The following CSMD3 variants were observed in gnomAD, a reference collection of about 807,000 sequenced individuals.
CSMD3 encodes the protein CUB and sushi domain-containing protein 3.
In CSMD3, 177 loss-of-function variants were observed where a neutral mutation model predicts 435.2. The ratio of observed to expected loss-of-function variants is 0.41; its 90% CI spans 0.36 to 0.46. CSMD3 has a LOEUF of 0.46. Ranked by LOEUF, CSMD3 falls within the 20% of genes least tolerant of loss-of-function variation. The probability of loss-of-function intolerance (pLI) is 0.34; values close to 1 mark genes in which losing one functional copy is unlikely to be tolerated. For missense variants in CSMD3, 4,265 were observed against 4,504.6 expected, an observed-to-expected ratio of 0.95 and a Z score of 1.52; for synonymous variants, 1,656 against 1,520.5, an observed-to-expected ratio of 1.09 and a Z score of -2.07.
chr8:112,229,532 G>A (rs908439461), intron 69 of CSMD3, among the ~76,000 whole-genome samples: 1 of 151,998 alleles, frequency 6.6e-6, no homozygotes, highest in Non-Finnish European at 1.5e-5. Context: ...CGGCTCAAGC[G>A]ATCTTCCTGC....
intron 3 of CSMD3, among the ~76,000 whole-genome samples, chr8:113,225,391 G>T (rs747563663): frequency 6.6e-6 from 1 of 151,446 alleles, no homozygotes; most frequent in Non-Finnish European, 1.5e-5. Flanking sequence ...CTACTAGTCA[G>T]ATGTCCCATT....
intron 10 of CSMD3, among the ~76,000 whole-genome samples, chr8:112,910,550 T>C (rs2082381871): frequency 6.6e-6 from 1 of 151,826 alleles, no homozygotes; most frequent in African/African-American, 2.4e-5. Flanking sequence ...GGCAATGCTA[T>C]CCCCTCTATT....
intron 13 of CSMD3, among the ~76,000 whole-genome samples, chr8:112,700,682 C>T (rs190983585): frequency 5.3e-5 from 8 of 152,180 alleles, no homozygotes; most frequent in East Asian, 1.9e-4. Flanking sequence ...TGCAGGCTTA[C>T]GGACAGAACA....
chr8:113,436,591 A>G lies in CSMD3; in HGVS notation c.178+86T>C, dbSNP rs538288970. ...TTATCAGATTATTTTATCGGTGCAA[A>G]TTGCAAAGTAAGCTGCCAGCCTCTC... On this transcript the variant is annotated intron_variant, in intron 1 of 70. Transcript: ENST00000297405. 370 of 1,214,686 alleles carry G rather than the reference A, an allele frequency of 3.0e-4. No homozygotes were observed. The African/African-American group carries it at 4.6e-3, about 15-fold the overall frequency. The allele number at this position is 1,214,686 out of a possible 1,614,324, so 75.2% of individuals were successfully genotyped here.
At position 112,592,950 on chromosome 8, in the gene CSMD3, A is replaced by T. The variant is rs1458231434; in HGVS notation, c.3716-5715T>A. Among the ~76,000 whole-genome samples the T allele has an allele frequency of 3.3e-5, 5 of 152,114 alleles. No homozygotes were observed. In the East Asian group the frequency reaches 5.8e-4, roughly 18 times the overall value. ...ATAGGCTGAGATGGCACAAATGAAG[A>T]AGTAGTATATTTTAAAGAAGCCACA... On this transcript the variant is annotated intron_variant, in intron 22 of 70. Coordinates refer to ENST00000297405, the MANE Select transcript of CSMD3 (RefSeq NM_198123.2).
chr8:113,310,781 C>G (rs1381348603), intron 2 of CSMD3: 5 of 151,362 alleles, frequency 3.3e-5, no homozygotes, highest in Non-Finnish European at 7.4e-5. Flanking sequence ...CTACCAAGAA[C>G]CAATCTAAAA....
At chr8:112,774,450 C>A (rs1356724916) in intron 13 of CSMD3, among the ~76,000 whole-genome samples, 1 of 152,012 alleles carries the variant, frequency 6.6e-6, no homozygotes, top group African/African-American at 2.4e-5. Context: ...AAATCTCTTT[C>A]TTGAGTTCCA....
chr8:113,041,220 G>T (rs1249081900), intron 5 of CSMD3, among the ~76,000 whole-genome samples: 1 of 135,980 alleles, frequency 7.4e-6, no homozygotes, highest in African/African-American at 2.6e-5. Context: ...AAAAAAAAGG[G>T]GGGGGTGGGG....
chr8:112,942,583 G>A (rs148459264), intron 9 of CSMD3, among the ~76,000 whole-genome samples: 3 of 151,698 alleles, frequency 2.0e-5, no homozygotes, highest in Non-Finnish European at 3.0e-5. Context: ...AGCTGGAGGC[G>A]ATGGTCCTAA....
chr8:112,923,593 G>A (rs999631328), intron 9 of CSMD3, among the ~76,000 whole-genome samples: 1 of 151,918 alleles, frequency 6.6e-6, no homozygotes, highest in African/African-American at 2.4e-5. Flanking sequence ...TTATCCATAA[G>A]GCCCTCCCTT....
At chr8:112,596,490 T>A (rs1195721511) in intron 22 of CSMD3, among the ~76,000 whole-genome samples, 2 of 152,098 alleles carry the variant, frequency 1.3e-5, no homozygotes, top group African/African-American at 4.8e-5. Context: ...ACCCAGGAAT[T>A]GAACTCAGCT....
chr8:113,218,927 A>T lies in CSMD3; in HGVS notation c.515-45011T>A, dbSNP rs530807714. Among the ~76,000 whole-genome samples, 18 of 151,454 alleles carry T rather than the reference A, an allele frequency of 1.2e-4. No homozygotes were observed. In the South Asian group the frequency reaches 2.3e-3, roughly 19 times the overall value. On this transcript the variant is annotated intron_variant, in intron 3 of 70. Coordinates refer to ENST00000297405, the MANE Select transcript of CSMD3 (RefSeq NM_198123.2). ...TACCTTATACATACACATAGGCTGA[A>T]GGGAGCTACAATTCAAGATGAGATT...
intron 13 of CSMD3, among the ~76,000 whole-genome samples, chr8:112,712,504 G>A (rs192097410): frequency 1.1e-3 from 160 of 152,160 alleles, no homozygotes; most frequent in African/African-American, 3.7e-3. Flanking sequence ...AGGAGGCCCC[G>A]CAACTGTAGG....
intron 13 of CSMD3, among the ~76,000 whole-genome samples, chr8:112,765,591 A>G (rs1347816464): frequency 6.6e-6 from 1 of 151,740 alleles, no homozygotes; most frequent in Non-Finnish European, 1.5e-5. Context: ...TCTACCACTC[A>G]TGTTCAATAT....
intron 4 of CSMD3, among the ~76,000 whole-genome samples, chr8:113,165,127 A>T (rs1314139153): frequency 6.6e-6 from 1 of 152,084 alleles, no homozygotes; most frequent in Non-Finnish European, 1.5e-5. Context: ...ACCACAGGGG[A>T]TTCTGAAGCT....
At chr8:112,833,713 T>G (rs2079943872) in intron 11 of CSMD3, among the ~76,000 whole-genome samples, 2 of 152,036 alleles carry the variant, frequency 1.3e-5, no homozygotes, top group African/African-American at 4.8e-5. Flanking sequence ...TGTGTGTGTC[T>G]GTAGGTTTGC....
chr8:112,323,203 T>G (rs910086771), intron 45 of CSMD3, among the ~76,000 whole-genome samples: 2 of 152,054 alleles, frequency 1.3e-5, no homozygotes, highest in African/African-American at 4.8e-5. Flanking sequence ...CTCTTTTGAC[T>G]TTTGAAGACC....
intron 3 of CSMD3, among the ~76,000 whole-genome samples, chr8:113,275,930 G>A (rs767894471): frequency 2.0e-5 from 3 of 152,006 alleles, no homozygotes; most frequent in Non-Finnish European, 4.4e-5. Flanking sequence ...CATACACAGG[G>A]CAAGAGTTGT....
chr8:112,920,016 G>T (rs111725668), intron 10 of CSMD3, among the ~76,000 whole-genome samples: 5,116 of 151,812 alleles, frequency 0.034, 146 homozygotes, highest in Middle Eastern at 0.051. Flanking sequence ...CGAGTACAGA[G>T]ACACAGAAAA....
Sources: gnomAD v4.1 joint callset for allele counts (sites outside exome capture counted in the v4.1 genomes callset) on GRCh38, gnomAD v4.1.1 for gene constraint, MANE v1.5 for transcripts, NCBI Gene and HGNC (gene_info 2026-07-23, HGNC 2026-07-21) for gene names.